The following PCDHA8 variants were observed in gnomAD, a reference collection of about 807,000 sequenced individuals.
PCDHA8 encodes the protein protocadherin alpha-8.
In PCDHA8, 53 loss-of-function variants were observed where a neutral mutation model predicts 61.8. The ratio of observed to expected loss-of-function variants is 0.86; its 90% CI spans 0.69 to 1.08. The LOEUF (loss-of-function observed/expected upper bound fraction) is 1.08. Among genes scored for constraint, PCDHA8 ranks in the 50% least tolerant of loss-of-function variants. The pLI, the probability that PCDHA8 is intolerant of heterozygous loss-of-function variation, is 0.00. For synonymous variants in PCDHA8, 618 were observed against 556.6 expected (o/e 1.11, Z -1.55); for missense variants, 1,293 against 1,245.0 (o/e 1.04, Z -0.58).
At chr5:140,928,466 T>C in intron 1 of PCDHA8, 13 of 1,614,140 alleles carry the variant, frequency 8.1e-6, no homozygotes, top group Non-Finnish European at 1.1e-5. Context: ...CATTTCCAAG[T>C]AGAAGGCCGG....
At chr5:140,880,877 A>G (rs1399131370) in intron 1 of PCDHA8, among the ~76,000 whole-genome samples, 8 of 152,232 alleles carry the variant, frequency 5.3e-5, no homozygotes, top group Non-Finnish European at 8.8e-5. Context: ...GAGGTAAATA[A>G]AGAAATGTAG....
At position 140,870,837 on chromosome 5, in the gene PCDHA8, G is replaced by T. The variant is rs782610375; in HGVS notation, c.2394+27122G>T. ...GCAGCGCGGGAGGCGCAGTTAACAA[G>T]CTAGTACCGCGGTCGGTGGGTGCGG... On this transcript the variant is annotated intron_variant, in intron 1 of 3. Transcript: ENST00000531613. 5 of 1,613,820 alleles carry T rather than the reference G, an allele frequency of 3.1e-6. No individual in the cohort carries two copies. The South Asian group carries it at 4.4e-5, about 14-fold the overall frequency.
intron 1 of PCDHA8, among the ~76,000 whole-genome samples, chr5:140,891,720 T>C (rs1159192046): frequency 2.0e-5 from 3 of 152,170 alleles, no homozygotes; most frequent in African/African-American, 4.8e-5. Context: ...CCCAAATTCA[T>C]GTGTTGAAAA....
intron 1 of PCDHA8, chr5:140,850,000 G>T: frequency 3.1e-6 from 5 of 1,597,068 alleles, no homozygotes; most frequent in Non-Finnish European, 3.4e-6. Context: ...TTGGGCGAGC[G>T]CTCGCTGTCG....
intron 1 of PCDHA8, chr5:140,850,825 C>T (rs2150499781): frequency 5.0e-6 from 8 of 1,598,102 alleles, no homozygotes; most frequent in African/African-American, 2.7e-5. Context: ...CCGGGCCTTT[C>T]TCCTTGTGCT....
intron 1 of PCDHA8, chr5:140,876,094 C>A (rs782479233): frequency 3.1e-6 from 5 of 1,613,926 alleles, no homozygotes; most frequent in Non-Finnish European, 4.2e-6. Flanking sequence ...AACGCCAAAA[C>A]TCAATTTATT....
intron 1 of PCDHA8, among the ~76,000 whole-genome samples, chr5:140,944,025 A>C (rs981840753): frequency 6.6e-6 from 1 of 152,236 alleles, no homozygotes; most frequent in Admixed American, 6.5e-5. Flanking sequence ...AATTATCTTC[A>C]AAATATGGAA....
At position 140,884,225 on chromosome 5, in the gene PCDHA8, G is replaced by T. The variant is rs782322312; in HGVS notation, c.2394+40510G>T. 1.6e-5 allele frequency: 26 copies of T among 1,613,448 alleles called. No homozygotes were observed. The South Asian group carries it at 2.4e-4, about 15-fold the overall frequency. ...CCACCGCCTTCTGGTGCTGGTGAAG[G>T]ACCACGGTGAGCCCGCGCTGACGGC... is the stretch of plus-strand genomic sequence containing the variant. On this transcript the variant is annotated intron_variant, in intron 1 of 3. Transcript: ENST00000531613.
chr5:140,915,553 A>T (rs1317422262), intron 1 of PCDHA8, among the ~76,000 whole-genome samples: 1 of 152,156 alleles, frequency 6.6e-6, no homozygotes, highest in African/African-American at 2.4e-5. Context: ...AATAAGATCC[A>T]GAATGATTAT....
At chr5:140,976,740 A>C (rs1425716353) in intron 1 of PCDHA8, among the ~76,000 whole-genome samples, 7 of 152,192 alleles carry the variant, frequency 4.6e-5, no homozygotes, top group African/African-American at 1.7e-4. Flanking sequence ...CACATTTTAA[A>C]AACCTCCCAG....
chr5:140,892,218 T>C (rs182162644), intron 1 of PCDHA8, among the ~76,000 whole-genome samples: 23 of 152,308 alleles, frequency 1.5e-4, no homozygotes, highest in Admixed American at 1.4e-3. Context: ...ATTGTATCTT[T>C]ATGGTGTTTT....
intron 1 of PCDHA8, among the ~76,000 whole-genome samples, chr5:140,937,805 G>A (rs1192616946): frequency 1.3e-5 from 2 of 149,798 alleles, no homozygotes; most frequent in African/African-American, 2.5e-5. Context: ...CCAGCTACTC[G>A]GGAAGCTGAG....
chr5:140,853,006 G>A (rs1263540311), intron 1 of PCDHA8: 2 of 293,534 alleles, frequency 6.8e-6, no homozygotes, highest in Non-Finnish European at 1.1e-5. Flanking sequence ...AGCCTCCCGA[G>A]TAGCTGGGAC....
chr5:140,843,511 C>G lies in PCDHA8; in HGVS notation c.2190C>G (p.Gly730=), dbSNP rs1554140155. The G allele has an allele frequency of 6.3e-7, 1 of 1,595,670 alleles. No individual in the cohort carries two copies. Among genetic ancestry groups the G allele is most frequent in the Non-Finnish European group, 8.6e-7 (1 of 1,165,464 alleles). ...ALRCSALPTE[G]GCRAGKPTLV... is the part of the protein sequence containing the mutation. The stretch of plus-strand genomic sequence containing the variant: ...GGTGCTCAGCACTGCCCACTGAGGG[C>G]GGGTGCCGGGCGGGCAAGCCCACTC... Residue 730 remains glycine (G), a synonymous_variant, in exon 1 of 4, where the codon GGC becomes GGG. Transcript: ENST00000531613.
At chr5:140,896,148 G>A (rs1185038418) in intron 1 of PCDHA8, among the ~76,000 whole-genome samples, 1 of 152,162 alleles carries the variant, frequency 6.6e-6, no homozygotes, top group Non-Finnish European at 1.5e-5. Flanking sequence ...CACCATTGAT[G>A]GGCATTTAGG....
chr5:140,913,898 CTTTT>C (rs1351691139), intron 1 of PCDHA8, among the ~76,000 whole-genome samples: 2 of 152,020 alleles, frequency 1.3e-5, no homozygotes, highest in African/African-American at 4.8e-5. Flanking sequence ...CAAAATTCCC[CTTTT>C]TTATTTCTAA....
intron 1 of PCDHA8, chr5:140,881,522 A>G: frequency 5.1e-6 from 1 of 196,850 alleles, no homozygotes; most frequent in South Asian, 1.8e-4. Context: ...AAAATCCCAC[A>G]CATATTGACT....
intron 2 of PCDHA8, among the ~76,000 whole-genome samples, chr5:140,979,275 C>T (rs141662665): frequency 6.6e-6 from 1 of 152,320 alleles, no homozygotes; most frequent in East Asian, 1.9e-4. Flanking sequence ...AAAATTTCTA[C>T]AGGGAAGTAA....
chr5:140,949,798 A>G (rs1021470816), intron 1 of PCDHA8, among the ~76,000 whole-genome samples: 1 of 151,786 alleles, frequency 6.6e-6, no homozygotes, highest in South Asian at 2.1e-4. Context: ...GTGTCCTTCA[A>G]TACATTATTT....
Sources: allele counts gnomAD v4.1 joint callset (sites outside exome capture counted in the v4.1 genomes callset), GRCh38; gene constraint gnomAD v4.1.1; transcripts MANE v1.5; gene names NCBI Gene and HGNC (gene_info 2026-07-23, HGNC 2026-07-21).